Variants in TRIM52 observed in about 807,000 individuals in gnomAD.
The protein encoded by TRIM52 is tripartite motif containing 52.
In TRIM52, 24 loss-of-function variants were observed where a neutral mutation model predicts 27.0. That is an observed-to-expected ratio of 0.89 (90% CI 0.64 to 1.25). The LOEUF is 1.25. Ranked by LOEUF, TRIM52 falls within the 50% of genes most tolerant of loss-of-function variation. TRIM52 has a pLI of 0.00. For missense variants in TRIM52, 351 were observed against 354.7 expected, an observed-to-expected ratio of 0.99 and a Z score of 0.08; for synonymous variants, 125 against 126.5, an observed-to-expected ratio of 0.99 and a Z score of 0.08.
chr5:181,260,087 C>T lies in TRIM52; in HGVS notation c.727G>A (p.Glu243Lys), dbSNP rs1157018204. 6.2e-7 allele frequency: 1 copy of T among 1,614,208 alleles called. No homozygotes were observed. The highest frequency in any genetic ancestry group is 8.5e-7 in the Non-Finnish European group (1 of 1,180,030). The change falls in exon 1 of 2, where the codon GAG becomes AAG. Residue 243 changes from glutamate (E) to lysine (K), a missense_variant. Glu to Lys is a moderately conservative substitution (Grantham distance 56). Coordinates refer to ENST00000688015, the MANE Select transcript of TRIM52 (RefSeq NM_001346048.2). The surrounding 1 kb of genome is among the most constrained non-coding windows in gnomAD (Gnocchi z 4.4). ...ALKLFCEVDK[E>K]AICVVCRESR... ...TCTCGGCACACCACACAGATGGCCT[C>T]TTTGTCCACCTCACAGAAGAGTTTC...
intron 1 of TRIM52, 165 bp from the exon 2 acceptor site, chr5:181,257,024 G>A (rs1759810442): frequency 1.0e-6 from 1 of 991,514 alleles, no homozygotes; most frequent in Non-Finnish European, 1.2e-6. Flanking sequence ...TGGCAGCTGG[G>A]TGGCAGGACA....
In TRIM52 at chr5:181,256,803, ATGG is replaced by A; in HGVS notation, c.*3_*5del. On this transcript the variant is annotated 3_prime_UTR_variant, in exon 2 of 2. Transcript: ENST00000688015. ...TGGCATGAATTTAACAGTGTTTGGCATGGTGTCACTGCCCAACACTTTCAGATA... is the reference window on the plus strand; with the variant it reads ...TGGCATGAATTTAACAGTGTTTGGCATGTCACTGCCCAACACTTTCAGATA... 1.0e-6 allele frequency: 1 copy of A among 985,436 alleles called. No homozygotes were observed. Among genetic ancestry groups the A allele is most frequent in the Non-Finnish European group, 1.2e-6 (1 of 829,922 alleles). The allele number at this position is 985,436 out of a possible 1,614,324, so 61.0% of individuals were successfully genotyped here.
downstream of TRIM52, among the ~76,000 whole-genome samples, chr5:181,251,063 A>G (rs932388045): frequency 3.3e-5 from 5 of 152,014 alleles, no homozygotes; most frequent in African/African-American, 1.2e-4. Context: ...GCCGAGGTGG[A>G]CAGATCACCT....
At chr5:181,250,653 T>A (rs1759617198), downstream of TRIM52, among the ~76,000 whole-genome samples, 1 of 152,202 alleles carries the variant, frequency 6.6e-6, no homozygotes, top group Non-Finnish European at 1.5e-5. Flanking sequence ...AGTTTCATTT[T>A]CTCAGCTTTC....
downstream of TRIM52, among the ~76,000 whole-genome samples, chr5:181,251,357 G>T (rs1759630180): frequency 1.3e-5 from 2 of 152,018 alleles, no homozygotes; most frequent in Non-Finnish European, 2.9e-5. Context: ...TCAGCAGGGG[G>T]AATCGCTATA....
rs186360757 is a variant in TRIM52 at position 181,260,413 on chromosome 5, T to C, written c.401A>G (p.Tyr134Cys). 7.4e-5 allele frequency: 118 copies of C among 1,597,470 alleles called. 1 individual carries two copies. In the Admixed American group the frequency reaches 2.0e-3, roughly 27 times the overall value. ...EEEEEEEDQD[Y>C]YLGGLRPDLR... ...GTCAGGTCTCAAGCCTCCTAGGTAATAGTCCTGATCTTCCTCTTCTTCTTC... is the reference window on the plus strand; with the variant it reads ...GTCAGGTCTCAAGCCTCCTAGGTAACAGTCCTGATCTTCCTCTTCTTCTTC... The change falls in exon 1 of 2, where the codon TAT (tyrosine) becomes TGT (cysteine). Residue 134 changes from tyrosine (Y) to cysteine (C), a missense_variant. Transcript: ENST00000688015. The surrounding 1 kb of genome is among the most constrained non-coding windows in gnomAD (Gnocchi z 4.4).
At chr5:181,257,731 T>C (rs1759843929) in intron 1 of TRIM52, 2 of 274,234 alleles carry the variant, frequency 7.3e-6, no homozygotes, top group East Asian at 7.9e-5. Flanking sequence ...GTGGCTCACA[T>C]CTGTAATCCC....
chr5:181,260,871 G>C lies in TRIM52; in HGVS notation c.-58C>G, dbSNP rs1760037770. ...GCTTGGAGCTGAGGAGCGGGGACGCGCCTGCAGGCCTGCCTCCAAACTACT... is the reference window on the plus strand; with the variant it reads ...GCTTGGAGCTGAGGAGCGGGGACGCCCCTGCAGGCCTGCCTCCAAACTACT... On this transcript the variant is annotated 5_prime_UTR_variant, in exon 1 of 2. Coordinates refer to ENST00000688015, the MANE Select transcript of TRIM52 (RefSeq NM_001346048.2). The surrounding 1 kb of genome is among the most constrained non-coding windows in gnomAD (Gnocchi z 4.4). The C allele has an allele frequency of 6.6e-7, 1 of 1,515,782 alleles. No homozygotes were observed. The highest frequency in any genetic ancestry group is 8.8e-7 in the Non-Finnish European group (1 of 1,131,616). 93.9% of individuals were successfully genotyped at this position (1,515,782 alleles called of 1,614,324 possible).
chr5:181,252,092 C>T (rs1263937740), downstream of TRIM52, among the ~76,000 whole-genome samples: 2 of 152,124 alleles, frequency 1.3e-5, no homozygotes, highest in Admixed American at 1.3e-4. Context: ...CCGTGTGATC[C>T]ACGTGTATCA....
chr5:181,252,062 G>C (rs1316741388), downstream of TRIM52, among the ~76,000 whole-genome samples: 1 of 152,122 alleles, frequency 6.6e-6, no homozygotes, highest in African/African-American at 2.4e-5. Context: ...GTTTCCCCTA[G>C]TTTTCTCCTG....
Position 181,255,491 on chromosome 5 carries a change from A to G in TRIM52, c.*1318T>C, listed in dbSNP as rs1037383594. 6.6e-6 allele frequency: 1 copy of G among 152,194 alleles called. No individual in the cohort carries two copies. The highest frequency in any genetic ancestry group is 1.5e-5 in the Non-Finnish European group (1 of 68,038). The allele number at this position is 152,194 out of a possible 1,614,324, so 9.4% of individuals were successfully genotyped here. Reference sequence around the variant, plus strand: ...TTGAAGCTCTTCCAGTGAGGCCTGCACATCGGTATGAAACACATTCTTTCC... The same window carrying G: ...TTGAAGCTCTTCCAGTGAGGCCTGCGCATCGGTATGAAACACATTCTTTCC... On this transcript the variant is annotated 3_prime_UTR_variant, in exon 2 of 2. Coordinates refer to ENST00000688015, the MANE Select transcript of TRIM52 (RefSeq NM_001346048.2).
At chr5:181,249,308 T>G (rs2113229762), downstream of TRIM52, among the ~76,000 whole-genome samples, 1 of 152,204 alleles carries the variant, frequency 6.6e-6, no homozygotes, top group South Asian at 2.1e-4. Context: ...GACTGAGTAC[T>G]TACTAAAGAC....
downstream of TRIM52, chr5:181,254,648 T>C (rs2113237005): frequency 3.3e-5 from 5 of 152,448 alleles, 1 homozygote; most frequent in South Asian, 1.0e-3. Flanking sequence ...GTGCTGGGAT[T>C]ACAGGCGTGA....
rs1759967986 is a variant in TRIM52, at chr5:181,260,067, G to A, written c.747C>T (p.Cys249=). 6.2e-7 allele frequency: 1 copy of A among 1,614,156 alleles called. No individual in the cohort carries two copies. The highest frequency in any genetic ancestry group is 8.5e-7 in the Non-Finnish European group (1 of 1,180,040). The change falls in exon 1 of 2, where the codon TGC becomes TGT. Residue 249 remains cysteine (C), a synonymous_variant. Coordinates refer to ENST00000688015, the MANE Select transcript of TRIM52 (RefSeq NM_001346048.2). This position sits in a 1 kb window ranked among gnomAD's most constrained non-coding sequence, Gnocchi z 4.4. ...GCTGTTTGTGGCTCCTGGATTCTCG[G>A]CACACCACACAGATGGCCTCTTTGT... is the stretch of plus-strand genomic sequence containing the variant. The part of the protein sequence containing the change: ...EVDKEAICVV[C]RESRSHKQHS...
chr5:181,257,686 A>C, intron 1 of TRIM52: 1 of 410,418 alleles, frequency 2.4e-6, no homozygotes, highest in Non-Finnish European at 4.3e-6. Flanking sequence ...AGTGACAATG[A>C]ACTGCCTAAA....
chr5:181,250,381 C>T (rs571770038), downstream of TRIM52, among the ~76,000 whole-genome samples: 1 of 152,124 alleles, frequency 6.6e-6, no homozygotes, highest in African/African-American at 2.4e-5. Flanking sequence ...CCTAAAAATA[C>T]AAAAATTAGC....
At chr5:181,250,195 CAG>C (rs1414272860), downstream of TRIM52, among the ~76,000 whole-genome samples, 26 of 152,028 alleles carry the variant, frequency 1.7e-4, no homozygotes, top group South Asian at 6.2e-4. Flanking sequence ...TTGGCAGATA[CAG>C]AGTCAGAGGC....
In TRIM52 at chr5:181,260,288, G is replaced by A; in HGVS notation, c.526C>T (p.Pro176Ser). The A allele has an allele frequency of 1.9e-6, 3 of 1,614,194 alleles. No homozygotes were observed. Among genetic ancestry groups the A allele is most frequent in the South Asian group, 1.1e-5 (1 of 91,078 alleles). ...GGGCAGGTGAACTGCCCTGGAAGGG[G>A]CAAGGAAGGAGGCGGGTGGATGTCA... ...YPDIHPPPSL[P>S]LPGQFTCPQC... The change falls in exon 1 of 2, where the codon CCC (proline) becomes TCC (serine). Residue 176 changes from proline to serine, a missense_variant. Physicochemically the swap from Pro to Ser is moderately conservative, Grantham distance 74. Transcript: ENST00000688015. This position sits in a 1 kb window ranked among gnomAD's most constrained non-coding sequence, Gnocchi z 4.4.
chr5:181,253,478 C>T (rs1192848712), downstream of TRIM52, among the ~76,000 whole-genome samples: 4 of 140,608 alleles, frequency 2.8e-5, 1 homozygote, highest in African/African-American at 1.2e-4. Context: ...CTTTCCCTGA[C>T]TACATCAGTG....
Sources: gnomAD v4.1 joint callset for allele counts (sites outside exome capture counted in the v4.1 genomes callset) on GRCh38, gnomAD v4.1.1 for gene constraint, Gnocchi (gnomAD v3.1) non-coding constraint, MANE v1.5 for transcripts, NCBI Gene and HGNC (gene_info 2026-07-23, HGNC 2026-07-21) for gene names.